Variants in UNC13C observed in about 807,000 individuals in gnomAD.
UNC13C encodes unc-13 homolog C.
A neutral mutation model predicts 245.4 loss-of-function variants in UNC13C; 174 were observed. That is an observed-to-expected ratio of 0.71 (90% CI 0.63 to 0.80). UNC13C has a LOEUF of 0.80. Ranked by LOEUF, UNC13C falls within the 30% of genes least tolerant of loss-of-function variation. The pLI is 0.00. For missense variants in UNC13C, 2,829 were observed against 2,602.9 expected (o/e 1.09, Z -1.89); for synonymous variants, 992 against 895.1 (o/e 1.11, Z -1.93).
intron 17 of UNC13C, among the ~76,000 whole-genome samples, chr15:54,349,368 C>A (rs2038930051): frequency 6.6e-6 from 1 of 151,274 alleles, no homozygotes; most frequent in African/African-American, 2.4e-5. Flanking sequence ...ATTTTCATAA[C>A]AAGGTAAATA....
rs1399197822 is a variant in UNC13C, at chr15:54,321,129, C to T, written c.4269-810C>T. On this transcript the variant is annotated intron_variant, in intron 13 of 32. Transcript: ENST00000260323. ...TTCAACTGGGTGAGGCACTAGCCATCTCTTGCTCTGACAGGGCTTTTCTTA... is the reference window on the plus strand; with the variant it reads ...TTCAACTGGGTGAGGCACTAGCCATTTCTTGCTCTGACAGGGCTTTTCTTA... 5 of 516,626 alleles carry T rather than the reference C, an allele frequency of 9.7e-6. No homozygotes were observed. In the East Asian group the frequency reaches 2.2e-4, roughly 22 times the overall value. The allele number at this position is 516,626 out of a possible 1,614,324, so 32.0% of individuals were successfully genotyped here. A position where few individuals can be genotyped will look rare whatever the true frequency, so the allele number is the denominator to read the frequency against.
chr15:54,108,501 C>T (rs552744230), intron 2 of UNC13C, among the ~76,000 whole-genome samples: 2 of 152,168 alleles, frequency 1.3e-5, no homozygotes, highest in South Asian at 4.2e-4. Context: ...CTAAATAATA[C>T]TTTTTAAACA....
chr15:54,129,431 G>T (rs997115896), intron 2 of UNC13C, among the ~76,000 whole-genome samples: 1 of 152,026 alleles, frequency 6.6e-6, no homozygotes, highest in African/African-American at 2.4e-5. Context: ...TACTTCTATA[G>T]TCAAATGTAT....
chr15:53,859,048 T>G, the UNC13C span, among the ~76,000 whole-genome samples: 1 of 152,120 alleles, frequency 6.6e-6, no homozygotes, highest in African/African-American at 2.4e-5. Context: ...TATCTTTTAT[T>G]TTTTTCTTAT....
intron 26 of UNC13C, among the ~76,000 whole-genome samples, chr15:54,546,138 C>T (rs1438852832): frequency 6.6e-6 from 1 of 152,096 alleles, no homozygotes; most frequent in Non-Finnish European, 1.5e-5. Context: ...ACCATGCAGC[C>T]ATGAAAAGGG....
At chr15:54,444,685 T>A (rs1425573906) in intron 19 of UNC13C, among the ~76,000 whole-genome samples, 1 of 151,898 alleles carries the variant, frequency 6.6e-6, no homozygotes, top group Non-Finnish European at 1.5e-5. Context: ...CTCTTCCTAA[T>A]TTTTTTGTGT....
At chr15:53,962,137 A>G in the UNC13C span, among the ~76,000 whole-genome samples, 2 of 152,172 alleles carry the variant, frequency 1.3e-5, no homozygotes, top group Non-Finnish European at 2.9e-5. Flanking sequence ...GATGATAGCT[A>G]TAATATAATC....
chr15:54,344,068 C>T (rs1188686312), intron 17 of UNC13C, among the ~76,000 whole-genome samples: 1 of 152,114 alleles, frequency 6.6e-6, no homozygotes, highest in Non-Finnish European at 1.5e-5. Flanking sequence ...CTAAATTGGA[C>T]AATGCAGAAA....
At chr15:54,101,221 T>C (rs1046237698) in intron 2 of UNC13C, among the ~76,000 whole-genome samples, 5 of 152,160 alleles carry the variant, frequency 3.3e-5, no homozygotes, top group African/African-American at 1.2e-4. Flanking sequence ...TTTTTTTTCT[T>C]GATTTTTAGT....
chr15:53,874,493 C>T, the UNC13C span, among the ~76,000 whole-genome samples: 2 of 152,136 alleles, frequency 1.3e-5, no homozygotes, highest in Admixed American at 6.6e-5. Flanking sequence ...TATGCCTTTA[C>T]TTATGTTACT....
chr15:54,572,183 A>T, intron 30 of UNC13C, among the ~76,000 whole-genome samples: 1 of 151,772 alleles, frequency 6.6e-6, no homozygotes, highest in East Asian at 2.0e-4. Flanking sequence ...CTGTGCCCTG[A>T]CCTCTATGTA....
intron 2 of UNC13C, among the ~76,000 whole-genome samples, chr15:54,053,210 T>C (rs1897348056): frequency 6.7e-6 from 1 of 148,476 alleles, no homozygotes; most frequent in South Asian, 2.1e-4. Flanking sequence ...TTTTTTATTT[T>C]TAGTAGACAT....
intron 2 of UNC13C, among the ~76,000 whole-genome samples, chr15:54,080,006 G>GTTTTTTTTTTTTTTT (rs3985784): frequency 5.4e-5 from 7 of 129,902 alleles, no homozygotes; most frequent in Admixed American, 7.8e-5. Flanking sequence ...TTGTCGAGCG[G>GTTTTTTTTTTTTTTT]TTTTTTTTTT....
Position 54,013,299 on chromosome 15 carries a change from T to A in UNC13C, c.396T>A (p.Asn132Lys), listed in dbSNP as rs1895470081. ...AGAGTTCCTACTCAGAATCATTAAA[T>A]GAACTAAGGAGTAGCACAGAAAACC... The part of the protein sequence containing the change: ...SIESSYSESL[N>K]ELRSSTENQA... Residue 132 changes from asparagine (N) to lysine (K), a missense_variant, in exon 2 of 33, where the codon AAT becomes AAA. Coordinates refer to ENST00000260323, the MANE Select transcript of UNC13C (RefSeq NM_001080534.3). The A allele has an allele frequency of 1.2e-6, 2 of 1,613,660 alleles. No individual in the cohort carries two copies. Among genetic ancestry groups the A allele is most frequent in the Non-Finnish European group, 1.7e-6 (2 of 1,179,844 alleles).
chr15:53,959,754 A>G, the UNC13C span, among the ~76,000 whole-genome samples: 1 of 152,182 alleles, frequency 6.6e-6, no homozygotes, highest in Non-Finnish European at 1.5e-5. Context: ...TGGGAAACTC[A>G]ATATAATATA....
intron 19 of UNC13C, among the ~76,000 whole-genome samples, chr15:54,472,810 C>T (rs1356525177): frequency 1.3e-5 from 2 of 151,874 alleles, no homozygotes; most frequent in African/African-American, 2.4e-5. Flanking sequence ...TCCTTTGCTG[C>T]TTTCAAGGCT....
At chr15:54,597,269 C>T (rs969700164) in intron 30 of UNC13C, among the ~76,000 whole-genome samples, 12 of 152,284 alleles carry the variant, frequency 7.9e-5, no homozygotes, top group Admixed American at 1.3e-4. Context: ...TATCATTCCA[C>T]AGCCTGGGGG....
At chr15:53,956,875 AGTGTGTGTGTGT>A in the UNC13C span, among the ~76,000 whole-genome samples, 8 of 139,700 alleles carry the variant, frequency 5.7e-5, no homozygotes, top group African/African-American at 2.1e-4. Context: ...GTTAAGCTCA[AGTGTGTGTGTGT>A]GTGTGTGTGT....
intron 4 of UNC13C, among the ~76,000 whole-genome samples, chr15:54,148,996 C>A (rs1461854564): frequency 6.6e-6 from 1 of 152,142 alleles, no homozygotes; most frequent in Non-Finnish European, 1.5e-5. Flanking sequence ...AAGGAGGGAC[C>A]TGGTGGGAGG....
Sources: gnomAD v4.1 joint callset for allele counts (sites outside exome capture counted in the v4.1 genomes callset) on GRCh38, gnomAD v4.1.1 for gene constraint, MANE v1.5 for transcripts, NCBI Gene and HGNC (gene_info 2026-07-23, HGNC 2026-07-21) for gene names.